The following GRB14 variants were observed in gnomAD, a reference collection of about 807,000 sequenced individuals.
GRB14 encodes growth factor receptor bound protein 14, also known as growth factor receptor-bound protein 14.
A neutral mutation model predicts 69.1 loss-of-function variants in GRB14; 38 were observed. The ratio of observed to expected loss-of-function variants is 0.55; its 90% CI spans 0.42 to 0.72. The LOEUF (loss-of-function observed/expected upper bound fraction) is 0.72, where lower values mean the gene tolerates loss of function less well. GRB14 is among the 30% of genes least tolerant of loss of function. The probability of loss-of-function intolerance (pLI) is 0.00; values close to 1 mark genes in which losing one functional copy is unlikely to be tolerated. For synonymous variants in GRB14, 247 were observed against 241.3 expected (o/e 1.02, Z -0.22); for missense variants, 666 against 666.1 (o/e 1.00, Z 0.00).
intron 2 of GRB14, among the ~76,000 whole-genome samples, chr2:164,579,427 C>T (rs1689336738): frequency 6.6e-6 from 1 of 151,986 alleles, no homozygotes; most frequent in Non-Finnish European, 1.5e-5. Flanking sequence ...GTGGCCAGAG[C>T]CTATCCTGGC....
chr2:164,613,092 C>T (rs951776228), intron 2 of GRB14, among the ~76,000 whole-genome samples: 1 of 152,036 alleles, frequency 6.6e-6, no homozygotes, highest in South Asian at 2.1e-4. Context: ...GCTGAGCATC[C>T]CTGAAGGGTG....
intron 6 of GRB14, among the ~76,000 whole-genome samples, chr2:164,520,899 T>C (rs1687617955): frequency 6.6e-6 from 1 of 152,160 alleles, no homozygotes; most frequent in Non-Finnish European, 1.5e-5. Context: ...GGAATGCTTT[T>C]GTGCTGTTGG....
intron 2 of GRB14, among the ~76,000 whole-genome samples, chr2:164,572,908 T>A (rs1689156595): frequency 6.6e-6 from 1 of 152,178 alleles, no homozygotes; most frequent in South Asian, 2.1e-4. Flanking sequence ...AAATACAACT[T>A]GCACTGTCCT....
intron 2 of GRB14, among the ~76,000 whole-genome samples, chr2:164,608,451 G>A (rs1690090295): frequency 6.6e-6 from 1 of 152,002 alleles, no homozygotes; most frequent in African/African-American, 2.4e-5. Context: ...TATCTTAGAA[G>A]AGAAATAGCT....
At chr2:164,496,937 G>T in intron 12 of GRB14, 71 bp downstream of exon 12, 3 of 1,192,916 alleles carry the variant, frequency 2.5e-6, no homozygotes, top group Admixed American at 3.5e-5. Flanking sequence ...TTGTGGCTAT[G>T]GAATAAATAA....
intron 13 of GRB14, 151 bp downstream of exon 13, chr2:164,494,280 G>T: frequency 1.7e-6 from 1 of 584,900 alleles, no homozygotes; most frequent in Admixed American, 3.1e-5. Flanking sequence ...TTCTGCCAAA[G>T]TTAACTCTAG....
At chr2:164,548,586 G>A (rs1207221388) in intron 2 of GRB14, among the ~76,000 whole-genome samples, 3 of 152,176 alleles carry the variant, frequency 2.0e-5, no homozygotes, top group African/African-American at 7.2e-5. Flanking sequence ...GAGAGGGATT[G>A]CTGGGTCATA....
chr2:164,595,248 TAAAGGTTTACTGTGCC>T (rs1300791796), intron 2 of GRB14, among the ~76,000 whole-genome samples: 2 of 152,210 alleles, frequency 1.3e-5, no homozygotes, highest in Admixed American at 6.5e-5. Flanking sequence ...TCCAACTTTT[TAAAGGTTTACTGTGCC>T]AAAGGCTCAG....
At chr2:164,527,524 CTAAAG>C (rs1412343844) in intron 3 of GRB14, among the ~76,000 whole-genome samples, 2 of 151,672 alleles carry the variant, frequency 1.3e-5, no homozygotes, top group African/African-American at 4.8e-5. Context: ...GGTGCCAAAA[CTAAAG>C]TATTTATTTC....
intron 3 of GRB14, among the ~76,000 whole-genome samples, chr2:164,530,848 G>A (rs931732697): frequency 1.3e-5 from 2 of 152,252 alleles, no homozygotes; most frequent in African/African-American, 4.8e-5. Context: ...TTTGAACACA[G>A]GAATAACATG....
chr2:164,508,971 C>T (rs1449187536), intron 6 of GRB14, 119 bp from the exon 7 acceptor site: 6 of 489,452 alleles, frequency 1.2e-5, no homozygotes, highest in Non-Finnish European at 2.0e-5. Context: ...CAATATGATG[C>T]CACAAAAATA....
At chr2:164,493,813 C>T (rs1203516851) in intron 13 of GRB14, among the ~76,000 whole-genome samples, 1 of 152,058 alleles carries the variant, frequency 6.6e-6, no homozygotes, top group African/African-American at 2.4e-5. Context: ...CTATGGAATA[C>T]CTTTCCAAAA....
chr2:164,535,077 C>T (rs1574281756), intron 3 of GRB14, among the ~76,000 whole-genome samples: 1 of 152,024 alleles, frequency 6.6e-6, no homozygotes, highest in East Asian at 1.9e-4. Context: ...TAAATTACTT[C>T]AACATAGCAA....
At chr2:164,559,190 A>T (rs1240522399) in intron 2 of GRB14, among the ~76,000 whole-genome samples, 1 of 152,206 alleles carries the variant, frequency 6.6e-6, no homozygotes, top group Admixed American at 6.5e-5. Context: ...CTAGATCCTA[A>T]CATTCCCATG....
chr2:164,533,883 A>G (rs1042042281), intron 3 of GRB14, among the ~76,000 whole-genome samples: 2 of 152,204 alleles, frequency 1.3e-5, no homozygotes, highest in Non-Finnish European at 2.9e-5. Context: ...ATGCAAATAA[A>G]AACCAGAATA....
In GRB14 at chr2:164,521,878, C is replaced by A. The variant is rs1574267179; in HGVS notation, c.816+102G>T. On this transcript the variant is annotated intron_variant, in intron 6 of 13. Coordinates refer to ENST00000263915, the MANE Select transcript of GRB14 (RefSeq NM_004490.3). Reference sequence around the variant, plus strand: ...TAAATCAAGAAAATCAAAGACCAACCTTTGACATCAAGTAATAAAGTAATA... The same window carrying A: ...TAAATCAAGAAAATCAAAGACCAACATTTGACATCAAGTAATAAAGTAATA... 1.5e-5 allele frequency: 16 copies of A among 1,082,550 alleles called. No homozygotes were observed. The East Asian group carries it at 3.2e-4, about 21-fold the overall frequency. The allele number at this position is 1,082,550 out of a possible 1,614,324, so 67.1% of individuals were successfully genotyped here.
intron 2 of GRB14, among the ~76,000 whole-genome samples, chr2:164,570,843 C>T (rs895864431): frequency 6.6e-6 from 1 of 152,122 alleles, no homozygotes; most frequent in Non-Finnish European, 1.5e-5. Flanking sequence ...TATACATGCC[C>T]TAAAAGGGCT....
intron 3 of GRB14, among the ~76,000 whole-genome samples, chr2:164,538,816 G>A (rs1486235600): frequency 2.0e-5 from 3 of 151,952 alleles, no homozygotes; most frequent in African/African-American, 4.8e-5. Context: ...ATTCTCTCTC[G>A]CTCAGCCAAA....
chr2:164,515,727 C>A (rs1687464458), intron 6 of GRB14, among the ~76,000 whole-genome samples: 2 of 143,506 alleles, frequency 1.4e-5, no homozygotes, highest in African/African-American at 2.6e-5. Context: ...TATGAATTGT[C>A]AGAAAAAGAA....
Sources: gnomAD v4.1 joint callset for allele counts (sites outside exome capture counted in the v4.1 genomes callset) on GRCh38, gnomAD v4.1.1 for gene constraint, MANE v1.5 for transcripts, NCBI Gene and HGNC (gene_info 2026-07-23, HGNC 2026-07-21) for gene names.